AGAP1: variants seen among roughly 807,000 people sequenced by gnomAD.
The protein encoded by AGAP1 is arf-GAP with GTPase, ANK repeat and PH domain-containing protein 1.
AGAP1 carries 29 observed loss-of-function variants against 105.3 expected under a neutral mutation model. That is an observed-to-expected ratio of 0.28 (90% CI 0.21 to 0.38). The LOEUF is 0.38. AGAP1 is among the 10% of genes least tolerant of loss of function. The pLI, the probability that AGAP1 is intolerant of heterozygous loss-of-function variation, is 1.00. For missense variants in AGAP1, 998 were observed against 1,165.1 expected (o/e 0.86, Z 2.09); for synonymous variants, 509 against 485.9 (o/e 1.05, Z -0.63).
chr2:235,589,605 A>G (rs575625047), intron 1 of AGAP1, among the ~76,000 whole-genome samples: 1 of 152,318 alleles, frequency 6.6e-6, no homozygotes, highest in East Asian at 1.9e-4. Context: ...TGTCCGCTCT[A>G]GGTGGCTTGT....
chr2:235,721,477 A>ATGTGTGTGTGTG lies in AGAP1; in HGVS notation c.310+3849_310+3860dup, dbSNP rs57069910. Among the ~76,000 whole-genome samples the ATGTGTGTGTGTG allele has an allele frequency of 5.3e-3, 792 of 149,722 alleles. 12 individuals carry two copies. The highest frequency in any genetic ancestry group is 0.018 in the African/African-American group (752 of 40,750). On this transcript the variant is annotated intron_variant, in intron 3 of 17. Coordinates refer to ENST00000304032, the MANE Select transcript of AGAP1 (RefSeq NM_001037131.3). The surrounding 1 kb of genome is among the most constrained non-coding windows in gnomAD (Gnocchi z 4.5). ...TTGGATTGACAGATTCCTTAATATT[A>ATGTGTGTGTGTG]TGTGTGTGTGTGTGTGTGTGTGTGT...
chr2:236,084,906 AAAAAT>A (rs980730380), intron 16 of AGAP1, among the ~76,000 whole-genome samples: 17 of 151,680 alleles, frequency 1.1e-4, no homozygotes, highest in Middle Eastern at 3.5e-3. Context: ...TCCATCTCAA[AAAAAT>A]AAAATAAAAT....
intron 9 of AGAP1, among the ~76,000 whole-genome samples, chr2:235,840,731 A>G (rs1960728204): frequency 6.6e-6 from 1 of 151,454 alleles, no homozygotes; most frequent in African/African-American, 2.4e-5. Flanking sequence ...ACCGATGGAC[A>G]GGTTGATTCG....
intron 12 of AGAP1, among the ~76,000 whole-genome samples, chr2:235,933,412 G>T (rs970399071): frequency 1.3e-5 from 2 of 152,170 alleles, no homozygotes; most frequent in African/African-American, 4.8e-5. Context: ...ATTAGCATCT[G>T]ATTTTCAGAC....
intron 1 of AGAP1, among the ~76,000 whole-genome samples, chr2:235,560,741 G>C (rs1256918765): frequency 6.6e-6 from 1 of 152,156 alleles, no homozygotes; most frequent in South Asian, 2.1e-4. Context: ...CCTAAGCCTG[G>C]TGAGACCCAC....
intron 13 of AGAP1, among the ~76,000 whole-genome samples, chr2:235,997,976 C>A (rs769519090): frequency 7.9e-5 from 12 of 152,162 alleles, no homozygotes; most frequent in Admixed American, 2.0e-4. Context: ...TCACTGTTAT[C>A]TGCTGTTTTA....
chr2:235,873,274 A>C (rs1301559833), intron 9 of AGAP1, among the ~76,000 whole-genome samples: 1 of 152,236 alleles, frequency 6.6e-6, no homozygotes, highest in African/African-American at 2.4e-5. Context: ...AAGAAAAAGC[A>C]TGTTTTTAAT....
chr2:235,997,758 A>G (rs1340472060), intron 13 of AGAP1, among the ~76,000 whole-genome samples: 3 of 152,230 alleles, frequency 2.0e-5, no homozygotes, highest in African/African-American at 7.2e-5. Context: ...TCTGAAGACC[A>G]TTCAAATGGA....
chr2:236,024,569 G>A (rs563800069), intron 13 of AGAP1, among the ~76,000 whole-genome samples: 1 of 152,106 alleles, frequency 6.6e-6, no homozygotes, highest in Non-Finnish European at 1.5e-5. Flanking sequence ...GTTTTCAGCT[G>A]CTTTTAGCCC....
chr2:235,684,896 C>T (rs766049844), intron 1 of AGAP1, among the ~76,000 whole-genome samples: 1 of 152,094 alleles, frequency 6.6e-6, no homozygotes, highest in Non-Finnish European at 1.5e-5. Context: ...GTACTGCTTA[C>T]GGTCATGCCC....
chr2:235,877,182 C>T lies in AGAP1; in HGVS notation c.1051-6163C>T, dbSNP rs1021992245. On this transcript the variant is annotated intron_variant, in intron 9 of 17. Transcript: ENST00000304032. This position sits in a 1 kb window ranked among gnomAD's most constrained non-coding sequence, Gnocchi z 4.3. The stretch of plus-strand genomic sequence containing the variant: ...AAGAACAAAAATCTCATGAATCCTT[C>T]AACATTGATTTAACTGTTTTGATAA... Among the ~76,000 whole-genome samples the T allele has an allele frequency of 8.5e-5, 13 of 152,224 alleles. No homozygotes were observed. In the East Asian group the frequency reaches 2.5e-3, roughly 29 times the overall value.
chr2:235,698,319 C>T (rs527279440), intron 1 of AGAP1, among the ~76,000 whole-genome samples: 9 of 152,298 alleles, frequency 5.9e-5, no homozygotes, highest in African/African-American at 1.9e-4. Context: ...TGGCCCTGTT[C>T]CCAGCCAGCC....
intron 1 of AGAP1, among the ~76,000 whole-genome samples, chr2:235,510,962 A>C (rs1383998959): frequency 8.3e-6 from 1 of 120,896 alleles, no homozygotes; most frequent in East Asian, 2.9e-4. Context: ...ATGTTTGGCC[A>C]AGATCAGTTT....
intron 1 of AGAP1, among the ~76,000 whole-genome samples, chr2:235,580,291 A>T (rs942227181): frequency 6.6e-6 from 1 of 151,988 alleles, no homozygotes; most frequent in Non-Finnish European, 1.5e-5. Context: ...TGGAAAGGTA[A>T]TTGTATTTGA....
Position 236,020,509 on chromosome 2 carries a change from C to T in AGAP1, c.1646-16052C>T, listed in dbSNP as rs1179885077. Among the ~76,000 whole-genome samples the T allele has an allele frequency of 6.6e-6, 1 of 152,194 alleles. No homozygotes were observed. Among genetic ancestry groups the T allele is most frequent in the Admixed American group, 6.5e-5 (1 of 15,290 alleles). ...AAAGCGTGAGCTGTGGAGTCACACA[C>T]GCCTGGGTCTCATCCCCTCTCTGCC... On this transcript the variant is annotated intron_variant, in intron 13 of 17. Transcript: ENST00000304032. This position sits in a 1 kb window ranked among gnomAD's most constrained non-coding sequence, Gnocchi z 5.0.
chr2:235,761,130 A>G (rs1954401988), intron 6 of AGAP1, among the ~76,000 whole-genome samples: 1 of 152,232 alleles, frequency 6.6e-6, no homozygotes, highest in Non-Finnish European at 1.5e-5. Flanking sequence ...GGAAGAAATT[A>G]TCTTAAAATC....
Position 236,061,356 on chromosome 2 carries a change from C to A in AGAP1, c.2114+12075C>A, listed in dbSNP as rs898834050. Among the ~76,000 whole-genome samples the A allele has an allele frequency of 6.6e-6, 1 of 152,130 alleles. No homozygotes were observed. Among genetic ancestry groups the A allele is most frequent in the Non-Finnish European group, 1.5e-5 (1 of 68,044 alleles). On this transcript the variant is annotated intron_variant, in intron 16 of 17. Transcript: ENST00000304032. The surrounding 1 kb of genome is among the most constrained non-coding windows in gnomAD (Gnocchi z 4.1). ...CAGCCATTCCTCCCCCAGGTCTATA[C>A]CTAAGATAAATGAAAACACTTGTCC...
intron 9 of AGAP1, among the ~76,000 whole-genome samples, chr2:235,863,176 A>G (rs1016846532): frequency 6.6e-6 from 1 of 152,198 alleles, no homozygotes; most frequent in Non-Finnish European, 1.5e-5. Context: ...TACTGTCCAT[A>G]AGCTCATGAT....
intron 9 of AGAP1, chr2:235,852,693 CCT>C: frequency 6.7e-7 from 1 of 1,495,058 alleles, no homozygotes; most frequent in South Asian, 1.3e-5. Context: ...CAGGGCCTGC[CCT>C]TCTTTGTCCT....
Sources: allele counts gnomAD v4.1 joint callset (sites outside exome capture counted in the v4.1 genomes callset), GRCh38; gene constraint gnomAD v4.1.1; non-coding constraint Gnocchi (gnomAD v3.1); transcripts MANE v1.5; gene names NCBI Gene and HGNC (gene_info 2026-07-23, HGNC 2026-07-21).